THRSP: variants seen among roughly 807,000 people sequenced by gnomAD.
The protein encoded by THRSP is thyroid hormone responsive, also known as thyroid hormone-inducible hepatic protein.
A neutral mutation model predicts 11.1 loss-of-function variants in THRSP; 9 were observed. The ratio of observed to expected loss-of-function variants is 0.81; its 90% CI spans 0.49 to 1.42. The LOEUF is 1.42. THRSP is among the 40% of genes most tolerant of loss of function. THRSP has a pLI of 0.00. For missense variants in THRSP, 177 were observed against 188.2 expected, an observed-to-expected ratio of 0.94 and a Z score of 0.35; for synonymous variants, 73 against 78.1, an observed-to-expected ratio of 0.94 and a Z score of 0.34.
intron 1 of THRSP, among the ~76,000 whole-genome samples, chr11:78,067,306 G>A (rs634768): frequency 0.72 from 109,502 of 151,162 alleles, 40,327 homozygotes; most frequent in African/African-American, 0.85. Flanking sequence ...ACTTTTAGTA[G>A]AGACAGGGTT....
At chr11:78,064,428 G>A in intron 1 of THRSP, 87 bp downstream of exon 1, 2 of 1,164,076 alleles carry the variant, frequency 1.7e-6, no homozygotes, top group Admixed American at 2.7e-5. Context: ...CACTGGGAGA[G>A]GAACAGCCTG....
intron 1 of THRSP, among the ~76,000 whole-genome samples, chr11:78,065,198 C>A (rs1401660892): frequency 6.6e-6 from 1 of 152,104 alleles, no homozygotes; most frequent in African/African-American, 2.4e-5. Context: ...TGGAACCCAC[C>A]AAACGGGAAG....
rs1446621422 is a variant in THRSP, at chr11:78,064,285, C to A, written c.404C>A (p.Thr135Lys). Residue 135 changes from threonine to lysine, a missense_variant, in exon 1 of 2, where the codon ACA (threonine) becomes AAA (lysine). Thr to Lys is a moderately conservative substitution (Grantham distance 78). Coordinates refer to ENST00000281030, the MANE Select transcript of THRSP (RefSeq NM_003251.4). ...CTCACCGAGAAAGCCCAGGAGGTGA[C>A]AAGGAAATACCAGGAAATGACGGGA... ...MHLTEKAQEV[T>K]RKYQEMTGQV... 6.2e-7 allele frequency: 1 copy of A among 1,612,646 alleles called. No individual in the cohort carries two copies. Among genetic ancestry groups the A allele is most frequent in the East Asian group, 2.2e-5 (1 of 44,840 alleles).
rs114159465 is a variant in THRSP, at chr11:78,064,881, C to T, written c.*19+540C>T. Among the ~76,000 whole-genome samples the T allele has an allele frequency of 8.1e-3, 1,215 of 150,024 alleles. 10 individuals carry two copies. The highest frequency in any genetic ancestry group is 0.027 in the African/African-American group (1,098 of 40,780). ...GTGGGTGCCTGTAGTCCCAGCTACT[C>T]GGGAGGCTGAGGCAGGAGAATGGCA... is the stretch of plus-strand genomic sequence containing the variant. On this transcript the variant is annotated intron_variant, in intron 1 of 1. Coordinates refer to ENST00000281030, the MANE Select transcript of THRSP (RefSeq NM_003251.4).
chr11:78,064,197 G>T lies in THRSP; in HGVS notation c.316G>T (p.Glu106Ter). 2 of 1,614,166 alleles carry T rather than the reference G, an allele frequency of 1.2e-6. No homozygotes were observed. The highest frequency in any genetic ancestry group is 1.7e-6 in the Non-Finnish European group (2 of 1,180,036). The change falls in exon 1 of 2, where the codon GAG becomes TAG. Residue 106 changes from glutamate to a stop codon, truncating the protein, a stop_gained. Coordinates refer to ENST00000281030, the MANE Select transcript of THRSP (RefSeq NM_003251.4). LOFTEE classifies it high-confidence loss of function. The stretch of plus-strand genomic sequence containing the variant: ...AGTCGAGGACGAGAGTGCCTCAGGA[G>T]AGCTGGACCTGGAAGCCCAGTTCCA... Reference protein sequence around the residue: ...EEVEDESASGELDLEAQFHLH... With the variant: ...EEVEDESASG
intron 1 of THRSP, among the ~76,000 whole-genome samples, chr11:78,067,114 C>A (rs1375125698): frequency 1.5e-5 from 2 of 132,600 alleles, no homozygotes; most frequent in South Asian, 2.4e-4. Flanking sequence ...CGTGAGCCAC[C>A]GCACCCAACC....
chr11:78,065,504 T>G (rs1168904962), intron 1 of THRSP, among the ~76,000 whole-genome samples: 1 of 152,186 alleles, frequency 6.6e-6, no homozygotes, highest in Non-Finnish European at 1.5e-5. Context: ...TTTGATTCTG[T>G]GCCACCTGCC....
At chr11:78,064,860 G>A (rs1382282530) in intron 1 of THRSP, among the ~76,000 whole-genome samples, 3 of 151,944 alleles carry the variant, frequency 2.0e-5, no homozygotes, top group African/African-American at 7.3e-5. Flanking sequence ...GTGGTGGTGG[G>A]TGCCTGTAGT....
rs779230425 is a variant in THRSP, at chr11:78,066,836, CT to C, written c.*20-814del. Among the ~76,000 whole-genome samples the C allele has an allele frequency of 1.8e-4, 28 of 151,430 alleles. No homozygotes were observed. The South Asian group carries it at 2.9e-3, about 16-fold the overall frequency. On this transcript the variant is annotated intron_variant, in intron 1 of 1. Coordinates refer to ENST00000281030, the MANE Select transcript of THRSP (RefSeq NM_003251.4). ...TTGACTTCTGTATTATCCTAGACAA[CT>C]TTTTTTTTGAGATGGAGTCTCACCC...
chr11:78,064,952 G>A (rs1003486333), intron 1 of THRSP, among the ~76,000 whole-genome samples: 3 of 144,586 alleles, frequency 2.1e-5, no homozygotes, highest in Non-Finnish European at 4.5e-5. Context: ...TTGTGCCACT[G>A]CACTCCAGCC....
rs151141038 is a variant in THRSP at position 78,064,010 on chromosome 11, T to C, written c.129T>C (p.Ser43=). 6.2e-7 allele frequency: 1 copy of C among 1,613,784 alleles called. No homozygotes were observed. Among genetic ancestry groups the C allele is most frequent in the African/African-American group, 1.3e-5 (1 of 74,910 alleles). Residue 43 remains serine (S), a synonymous_variant, in exon 1 of 2, where the codon AGT becomes AGC. Transcript: ENST00000281030. ...IPSLLRDVQL[S]GPGGQAQAEA... is the part of the protein sequence containing the mutation. ...GCCTTCTGCGGGACGTGCAGCTGAG[T>C]GGGCCTGGGGGCCAGGCCCAGGCTG...
chr11:78,064,043 T>C lies in THRSP; in HGVS notation c.162T>C (p.Pro54=), dbSNP rs1350751352. ...GGGGCCAGGCCCAGGCTGAGGCCCC[T>C]GATCTCTACACCTACTTCACCATGC... ...GPGGQAQAEA[P]DLYTYFTMLK... Residue 54 remains proline (P), a synonymous_variant, in exon 1 of 2, where the codon CCT becomes CCC. Transcript: ENST00000281030. 1.2e-6 allele frequency: 2 copies of C among 1,613,352 alleles called. No individual in the cohort carries two copies.
intron 1 of THRSP, among the ~76,000 whole-genome samples, chr11:78,067,397 C>T (rs529869739): frequency 6.6e-6 from 1 of 152,238 alleles, no homozygotes; most frequent in African/African-American, 2.4e-5. Flanking sequence ...GCTGGGATTA[C>T]AGGCGTGAGC....
At position 78,064,154 on chromosome 11, in the gene THRSP, A is replaced by C; in HGVS notation, c.273A>C (p.Gly91=). The C allele has an allele frequency of 6.2e-7, 1 of 1,614,142 alleles. No homozygotes were observed. The highest frequency in any genetic ancestry group is 1.1e-5 in the South Asian group (1 of 91,068). Residue 91 remains glycine, a synonymous_variant, in exon 1 of 2, where the codon GGA becomes GGC. Transcript: ENST00000281030. ...AGGTGGCAGGCAGCGAAGAGAATGG[A>C]ACCGCAGAGACAGAGGAAGTCGAGG... ...QAKVAGSEEN[G]TAETEEVEDE...
rs1246638395 is a variant in THRSP, at chr11:78,064,197, G to C, written c.316G>C (p.Glu106Gln). 6.2e-7 allele frequency: 1 copy of C among 1,614,166 alleles called. No individual in the cohort carries two copies. The highest frequency in any genetic ancestry group is 8.5e-7 in the Non-Finnish European group (1 of 1,180,036). Residue 106 changes from glutamate (E) to glutamine (Q), a missense_variant, in exon 1 of 2, where the codon GAG (glutamate) becomes CAG (glutamine). Coordinates refer to ENST00000281030, the MANE Select transcript of THRSP (RefSeq NM_003251.4). The part of the protein sequence containing the change: ...EEVEDESASG[E>Q]LDLEAQFHLH... ...AGTCGAGGACGAGAGTGCCTCAGGA[G>C]AGCTGGACCTGGAAGCCCAGTTCCA...
chr11:78,067,309 A>G (rs1486763795), intron 1 of THRSP, among the ~76,000 whole-genome samples: 2 of 151,868 alleles, frequency 1.3e-5, no homozygotes, highest in East Asian at 3.9e-4. Flanking sequence ...TTTAGTAGAG[A>G]CAGGGTTTCA....
At chr11:78,065,203 G>A (rs773210998) in intron 1 of THRSP, among the ~76,000 whole-genome samples, 8 of 152,148 alleles carry the variant, frequency 5.3e-5, no homozygotes, top group Non-Finnish European at 8.8e-5. Flanking sequence ...CCCACCAAAC[G>A]GGAAGCCGAG....
rs377645685 is a variant in THRSP, at chr11:78,066,757, G to A, written c.*20-902G>A. 2.2e-4 allele frequency among the ~76,000 whole-genome samples: 33 copies of A among 152,288 alleles called. 1 individual carries two copies. In the East Asian group the frequency reaches 6.0e-3, roughly 28 times the overall value. ...CACCCTAACCTGATTTTCATTCAGA[G>A]GCAATATGGTATAGCAACAGTTAAA... On this transcript the variant is annotated intron_variant, in intron 1 of 1. Transcript: ENST00000281030.
At position 78,064,179 on chromosome 11, in the gene THRSP, G is replaced by A; in HGVS notation, c.298G>A (p.Asp100Asn). ...AACCGCAGAGACAGAGGAAGTCGAG[G>A]ACGAGAGTGCCTCAGGAGAGCTGGA... is the stretch of plus-strand genomic sequence containing the variant. ...NGTAETEEVE[D>N]ESASGELDLE... Residue 100 changes from aspartate (D) to asparagine (N), a missense_variant, in exon 1 of 2, where the codon GAC (aspartate) becomes AAC (asparagine). Asp to Asn is a conservative substitution (Grantham distance 23, BLOSUM62 1). Coordinates refer to ENST00000281030, the MANE Select transcript of THRSP (RefSeq NM_003251.4). The A allele has an allele frequency of 6.2e-7, 1 of 1,614,182 alleles. No homozygotes were observed. The highest frequency in any genetic ancestry group is 2.2e-5 in the East Asian group (1 of 44,876).
Sources: gnomAD v4.1 joint callset for allele counts (sites outside exome capture counted in the v4.1 genomes callset) on GRCh38, gnomAD v4.1.1 for gene constraint, MANE v1.5 for transcripts, NCBI Gene and HGNC (gene_info 2026-07-23, HGNC 2026-07-21) for gene names.